Variants in KIRREL3 observed in about 807,000 individuals in gnomAD.
KIRREL3 encodes the protein kin of IRRE-like protein 3.
KIRREL3 carries 36 observed loss-of-function variants against 89.7 expected under a neutral mutation model. The ratio of observed to expected loss-of-function variants is 0.40; its 90% confidence interval spans 0.31 to 0.53. KIRREL3 has a LOEUF of 0.53. KIRREL3 is among the 20% of genes least tolerant of loss of function. KIRREL3 has a pLI of 0.49. For synonymous variants in KIRREL3, 445 were observed against 441.4 expected (o/e 1.01, Z -0.10); for missense variants, 864 against 1,056.6 (o/e 0.82, Z 2.53).
intron 6 of KIRREL3, among the ~76,000 whole-genome samples, chr11:126,456,753 A>G (rs544884554): frequency 6.6e-6 from 1 of 152,306 alleles, no homozygotes; most frequent in East Asian, 1.9e-4. Flanking sequence ...GCGGAACAAA[A>G]TAATCTAGGA....
intron 1 of KIRREL3, among the ~76,000 whole-genome samples, chr11:126,928,340 G>A (rs928943654): frequency 4.6e-5 from 7 of 152,296 alleles, no homozygotes; most frequent in East Asian, 1.9e-4. Context: ...GAAATGAGGT[G>A]GAAAAGTTGA....
At chr11:126,442,343 CACACACACACAA>C (rs1955610185) in intron 10 of KIRREL3, among the ~76,000 whole-genome samples, 1 of 138,916 alleles carries the variant, frequency 7.2e-6, no homozygotes, top group Non-Finnish European at 1.6e-5. Context: ...CACACACACA[CACACACACACAA>C]AACCTTTTCC....
At chr11:126,842,936 C>T (rs972864996) in intron 1 of KIRREL3, among the ~76,000 whole-genome samples, 2 of 143,516 alleles carry the variant, frequency 1.4e-5, no homozygotes, top group African/African-American at 5.0e-5. Context: ...TTCAGAAGGA[C>T]CAAGCATCAC....
At position 126,736,210 on chromosome 11, in the gene KIRREL3, C is replaced by T. The variant is rs1253856124; in HGVS notation, c.56-173298G>A. 6.6e-6 allele frequency among the ~76,000 whole-genome samples: 1 copy of T among 152,158 alleles called. No individual in the cohort carries two copies. The highest frequency in any genetic ancestry group is 1.5e-5 in the Non-Finnish European group (1 of 68,032). On this transcript the variant is annotated intron_variant, in intron 1 of 16. Transcript: ENST00000525144. The surrounding 1 kb of genome is among the most constrained non-coding windows in gnomAD (Gnocchi z 5.0). The stretch of plus-strand genomic sequence containing the variant: ...GGTTTACTTTCAATTGTAGTCACAG[C>T]AATAATAGCACCATTTATGGGGCCA...
rs1257007827 is a variant in KIRREL3, at chr11:126,936,546, G to A, written c.55+63909C>T. The A allele has an allele frequency of 4.1e-5, 6 of 145,612 alleles. No homozygotes were observed. The South Asian group carries it at 1.1e-3, about 26-fold the overall frequency. 9.0% of individuals were successfully genotyped at this position (145,612 alleles called of 1,614,324 possible). ...ATGTGGTCTATCCGTACAATAAAAT[G>A]CTATTCAGCAAAAAAAAAAAAAAAA... is the stretch of plus-strand genomic sequence containing the variant. On this transcript the variant is annotated intron_variant, in intron 1 of 16. Coordinates refer to ENST00000525144, the MANE Select transcript of KIRREL3 (RefSeq NM_032531.4).
chr11:126,542,519 T>C (rs1235123491), intron 2 of KIRREL3, among the ~76,000 whole-genome samples: 2 of 152,180 alleles, frequency 1.3e-5, no homozygotes, highest in Non-Finnish European at 2.9e-5. Context: ...TTTTTCATAC[T>C]TAAAAAAAAC....
At chr11:126,450,566 CGTGTGCATGTGT>C (rs1322501783) in intron 7 of KIRREL3, among the ~76,000 whole-genome samples, 5 of 114,008 alleles carry the variant, frequency 4.4e-5, no homozygotes, top group Admixed American at 8.6e-5. Context: ...TGTGCATGTG[CGTGTGCATGTGT>C]GCATGTGCAT....
chr11:126,828,238 G>A (rs1052932990), intron 1 of KIRREL3, among the ~76,000 whole-genome samples: 3 of 152,136 alleles, frequency 2.0e-5, no homozygotes, highest in East Asian at 1.9e-4. Flanking sequence ...TAATCCCAAC[G>A]CCCACCCCCT....
At chr11:126,585,779 G>C (rs529517093) in intron 1 of KIRREL3, among the ~76,000 whole-genome samples, 63 of 152,286 alleles carry the variant, frequency 4.1e-4, no homozygotes, top group Non-Finnish European at 5.9e-4. Context: ...TCACACTCTG[G>C]GGGGGCATCT....
chr11:126,589,851 T>A (rs1363582095), intron 1 of KIRREL3, among the ~76,000 whole-genome samples: 1 of 152,188 alleles, frequency 6.6e-6, no homozygotes, highest in Admixed American at 6.5e-5. Flanking sequence ...CATCCCTGCC[T>A]CCTGGGGCTG....
At chr11:126,718,011 C>T (rs1948032812) in intron 1 of KIRREL3, among the ~76,000 whole-genome samples, 1 of 152,138 alleles carries the variant, frequency 6.6e-6, no homozygotes, top group South Asian at 2.1e-4. Context: ...TTGGGAGGTT[C>T]ATGGATAGAA....
Position 126,569,544 on chromosome 11 carries a change from A to C in KIRREL3, c.56-6632T>G, listed in dbSNP as rs949651570. ...GAAAAAAATAGTAGGCAAACTTCCT[A>C]GCCCAAAGATACTATAATCCAGTTG... On this transcript the variant is annotated intron_variant, in intron 1 of 16. Coordinates refer to ENST00000525144, the MANE Select transcript of KIRREL3 (RefSeq NM_032531.4). The surrounding 1 kb of genome is among the most constrained non-coding windows in gnomAD (Gnocchi z 6.5). Among the ~76,000 whole-genome samples, 1 of 152,228 alleles carries C rather than the reference A, an allele frequency of 6.6e-6. No homozygotes were observed. Among genetic ancestry groups the C allele is most frequent in the Non-Finnish European group, 1.5e-5 (1 of 68,040 alleles).
At position 126,608,580 on chromosome 11, in the gene KIRREL3, G is replaced by A. The variant is rs1482117113; in HGVS notation, c.56-45668C>T. ...CTCCCCAAATGGCTCCCTTAATCAC[G>A]AGCTGCTTTCTTCTGAGCTCAATAA... On this transcript the variant is annotated intron_variant, in intron 1 of 16. Coordinates refer to ENST00000525144, the MANE Select transcript of KIRREL3 (RefSeq NM_032531.4). The surrounding 1 kb of genome is among the most constrained non-coding windows in gnomAD (Gnocchi z 4.9). Among the ~76,000 whole-genome samples, 2 of 151,842 alleles carry A rather than the reference G, an allele frequency of 1.3e-5. No individual in the cohort carries two copies. Among genetic ancestry groups the A allele is most frequent in the Non-Finnish European group, 2.9e-5 (2 of 68,010 alleles).
intron 1 of KIRREL3, among the ~76,000 whole-genome samples, chr11:126,662,393 G>A (rs925354933): frequency 6.6e-5 from 10 of 152,176 alleles, no homozygotes; most frequent in Non-Finnish European, 7.3e-5. Context: ...TAGTCCCTTC[G>A]TGCTGCTGTC....
chr11:126,669,298 A>C lies in KIRREL3; in HGVS notation c.56-106386T>G, dbSNP rs541389972. ...CTGGCACTGAGTGAAGTTTTCCTTC[A>C]GCGTATTTCAAACACGTGCAAGATC... On this transcript the variant is annotated intron_variant, in intron 1 of 16. Coordinates refer to ENST00000525144, the MANE Select transcript of KIRREL3 (RefSeq NM_032531.4). The surrounding 1 kb of genome is among the most constrained non-coding windows in gnomAD (Gnocchi z 5.0). Among the ~76,000 whole-genome samples, 171 of 152,304 alleles carry C rather than the reference A, an allele frequency of 1.1e-3. 3 individuals are homozygous for C. The South Asian group carries it at 0.026, about 23-fold the overall frequency.
At chr11:126,749,146 G>A (rs890528863) in intron 1 of KIRREL3, among the ~76,000 whole-genome samples, 1 of 152,086 alleles carries the variant, frequency 6.6e-6, no homozygotes, top group South Asian at 2.1e-4. Context: ...CCAAGTTGAC[G>A]GCTATGGCAC....
In KIRREL3 at chr11:126,683,102, C is replaced by T. The variant is rs12803806; in HGVS notation, c.56-120190G>A. On this transcript the variant is annotated intron_variant, in intron 1 of 16. Coordinates refer to ENST00000525144, the MANE Select transcript of KIRREL3 (RefSeq NM_032531.4). This position sits in a 1 kb window ranked among gnomAD's most constrained non-coding sequence, Gnocchi z 5.2. ...ACCCCCTGAACTCCAGTGATCTTAC[C>T]GCCTCAGCCTTCCAAAGTGTTGCAA... 0.07 allele frequency among the ~76,000 whole-genome samples: 10,602 copies of T among 152,052 alleles called. 486 individuals are homozygous for T. Among genetic ancestry groups the T allele is most frequent in the African/African-American group, 0.13 (5,530 of 41,404 alleles).
Position 126,430,925 on chromosome 11 carries a change from T to C in KIRREL3, c.1696+494A>G. 1.0e-6 allele frequency: 1 copy of C among 985,370 alleles called. No individual in the cohort carries two copies. Among genetic ancestry groups the C allele is most frequent in the Non-Finnish European group, 1.2e-6 (1 of 822,002 alleles). The allele number at this position is 985,370 out of a possible 1,614,324, so 61.0% of individuals were successfully genotyped here. A position where few individuals can be genotyped will look rare whatever the true frequency, so the allele number is the denominator to read the frequency against. On this transcript the variant is annotated intron_variant, in intron 14 of 16. Transcript: ENST00000525144. This position sits in a 1 kb window ranked among gnomAD's most constrained non-coding sequence, Gnocchi z 6.6. ...ACAAACACTAGAATTTTATTGGTAA[T>C]CACTGAAGACCTTTAAAAGTTTTCT...
In KIRREL3 at chr11:126,909,219, G is replaced by A. The variant is rs1486732326; in HGVS notation, c.55+91236C>T. On this transcript the variant is annotated intron_variant, in intron 1 of 16. Coordinates refer to ENST00000525144, the MANE Select transcript of KIRREL3 (RefSeq NM_032531.4). This position sits in a 1 kb window ranked among gnomAD's most constrained non-coding sequence, Gnocchi z 4.5. ...TTCTCTTCTCAGGCAGGGAAGGAAT[G>A]GGGTCGGAGAGGGAGGAGTTCATGG... Among the ~76,000 whole-genome samples, 1 of 152,084 alleles carries A rather than the reference G, an allele frequency of 6.6e-6. No homozygotes were observed. Among genetic ancestry groups the A allele is most frequent in the East Asian group, 1.9e-4 (1 of 5,164 alleles).
Sources: gnomAD v4.1 joint callset for allele counts (sites outside exome capture counted in the v4.1 genomes callset) on GRCh38, gnomAD v4.1.1 for gene constraint, Gnocchi (gnomAD v3.1) non-coding constraint, MANE v1.5 for transcripts, NCBI Gene and HGNC (gene_info 2026-07-23, HGNC 2026-07-21) for gene names.